Variants in AGBL4 observed in about 807,000 individuals in gnomAD.
AGBL4 encodes the protein AGBL carboxypeptidase 4, also known as cytosolic carboxypeptidase 6.
Under a neutral mutation model 66.4 loss-of-function variants are expected in AGBL4, and 58 were observed. That is an observed-to-expected ratio of 0.87 (90% CI 0.71 to 1.09). The LOEUF (loss-of-function observed/expected upper bound fraction) is 1.09. AGBL4 is among the 50% of genes least tolerant of loss of function. AGBL4 has a pLI of 0.00. For missense variants in AGBL4, 579 were observed against 631.0 expected, an observed-to-expected ratio of 0.92 and a Z score of 0.88; for synonymous variants, 234 against 222.9, an observed-to-expected ratio of 1.05 and a Z score of -0.44.
At chr1:49,998,337 G>A (rs918988059) in intron 1 of AGBL4, among the ~76,000 whole-genome samples, 1 of 152,004 alleles carries the variant, frequency 6.6e-6, no homozygotes, top group Non-Finnish European at 1.5e-5. Context: ...AAAACCTGGA[G>A]GAGATGGATA....
At chr1:49,465,730 A>G (rs902637961) in intron 3 of AGBL4, among the ~76,000 whole-genome samples, 2 of 151,862 alleles carry the variant, frequency 1.3e-5, no homozygotes, top group African/African-American at 4.8e-5. Context: ...TTGGTAATAA[A>G]TCACACATTT....
chr1:50,001,481 A>G (rs1660748482), intron 1 of AGBL4, among the ~76,000 whole-genome samples: 1 of 145,140 alleles, frequency 6.9e-6, no homozygotes, highest in Admixed American at 7.0e-5. Flanking sequence ...GTGTGTCTAT[A>G]TATACATATA....
At chr1:49,905,304 C>T (rs1001803204) in intron 1 of AGBL4, among the ~76,000 whole-genome samples, 1 of 152,142 alleles carries the variant, frequency 6.6e-6, no homozygotes, top group Non-Finnish European at 1.5e-5. Context: ...ATCATAAATA[C>T]ATTTCATCAC....
chr1:48,925,551 G>C (rs1235893131), intron 5 of AGBL4, among the ~76,000 whole-genome samples: 1 of 152,062 alleles, frequency 6.6e-6, no homozygotes, highest in Non-Finnish European at 1.5e-5. Flanking sequence ...TATCGTTAGT[G>C]TTAGTGTATT....
chr1:48,716,082 T>A (rs1647045733), intron 6 of AGBL4, among the ~76,000 whole-genome samples: 1 of 152,308 alleles, frequency 6.6e-6, no homozygotes. Flanking sequence ...ACGGGGCATA[T>A]GGAAATCTTG....
intron 9 of AGBL4, among the ~76,000 whole-genome samples, chr1:48,623,703 C>T (rs1201084810): frequency 6.6e-6 from 1 of 152,220 alleles, no homozygotes; most frequent in Non-Finnish European, 1.5e-5. Context: ...ACAAAACACC[C>T]TAAAATGTAA....
intron 4 of AGBL4, among the ~76,000 whole-genome samples, chr1:49,207,542 T>TTTCTTTC (rs1217267952): frequency 1.6e-3 from 121 of 78,022 alleles, no homozygotes; most frequent in Middle Eastern, 6.2e-3. Flanking sequence ...TTTTTCTTTC[T>TTTCTTTC]TTTCTTTCTT....
At position 49,278,544 on chromosome 1, in the gene AGBL4, T is replaced by A. The variant is rs1474119801; in HGVS notation, c.283-32680A>T. On this transcript the variant is annotated intron_variant, in intron 3 of 13. Coordinates refer to ENST00000371839, the MANE Select transcript of AGBL4 (RefSeq NM_032785.4). ...GTCAGACCAGATGCTTGAAGCTATC[T>A]GCCTGCAGGAGGTAAACCAACCATA... 2.0e-5 allele frequency among the ~76,000 whole-genome samples: 3 copies of A among 152,166 alleles called. No homozygotes were observed. The South Asian group carries it at 6.2e-4, about 31-fold the overall frequency.
intron 5 of AGBL4, among the ~76,000 whole-genome samples, chr1:49,007,816 C>A (rs1459692058): frequency 6.6e-6 from 1 of 151,798 alleles, no homozygotes; most frequent in East Asian, 1.9e-4. Context: ...ACTTTACAGA[C>A]AAGCAAATGC....
chr1:49,804,094 C>T (rs1363508345), intron 2 of AGBL4, among the ~76,000 whole-genome samples: 1 of 152,110 alleles, frequency 6.6e-6, no homozygotes, highest in Non-Finnish European at 1.5e-5. Flanking sequence ...GTGGCTGTTA[C>T]AGCTTCTCAC....
intron 2 of AGBL4, among the ~76,000 whole-genome samples, chr1:49,802,510 T>G (rs1427969562): frequency 6.6e-6 from 1 of 152,206 alleles, no homozygotes; most frequent in Non-Finnish European, 1.5e-5. Context: ...TAGTCTCTGT[T>G]AGAAATTACT....
At chr1:49,971,850 T>A (rs1235219542) in intron 1 of AGBL4, among the ~76,000 whole-genome samples, 1 of 150,368 alleles carries the variant, frequency 6.7e-6, no homozygotes, top group Admixed American at 6.6e-5. Flanking sequence ...CTTACAAGCG[T>A]TTTTGAAAAT....
chr1:49,614,674 A>G (rs974059390), intron 3 of AGBL4, among the ~76,000 whole-genome samples: 2 of 152,170 alleles, frequency 1.3e-5, no homozygotes, highest in Non-Finnish European at 2.9e-5. Flanking sequence ...ACAGTGTATA[A>G]AAAGAATTCC....
intron 1 of AGBL4, among the ~76,000 whole-genome samples, chr1:49,938,719 A>T (rs564873507): frequency 5.4e-4 from 82 of 152,358 alleles, no homozygotes; most frequent in African/African-American, 1.9e-3. Flanking sequence ...GTAATCCAGC[A>T]TATAAACAGA....
chr1:49,536,575 C>T (rs1050547100), intron 3 of AGBL4, among the ~76,000 whole-genome samples: 2 of 151,812 alleles, frequency 1.3e-5, no homozygotes, highest in Non-Finnish European at 2.9e-5. Context: ...CATACGGTAC[C>T]AACAAAAGCC....
chr1:48,530,041 C>T (rs1275400273), downstream of AGBL4, among the ~76,000 whole-genome samples: 3 of 151,762 alleles, frequency 2.0e-5, no homozygotes, highest in Non-Finnish European at 4.4e-5. Flanking sequence ...TCCCCCACTA[C>T]CTCTAAATGA....
rs573280348 is a variant in AGBL4 at position 49,174,454 on chromosome 1, G to C, written c.377+71316C>G. On this transcript the variant is annotated intron_variant, in intron 4 of 13. Transcript: ENST00000371839. ...AAAATTAAAATAAATGTCATATTTA[G>C]CAGGTAAGTTCCTTTTCCATAATTT... Among the ~76,000 whole-genome samples the C allele has an allele frequency of 2.0e-4, 30 of 152,230 alleles. No homozygotes were observed. In the South Asian group the frequency reaches 6.0e-3, roughly 31 times the overall value.
intron 3 of AGBL4, among the ~76,000 whole-genome samples, chr1:49,412,924 G>T (rs1481241284): frequency 6.6e-6 from 1 of 152,148 alleles, no homozygotes; most frequent in Non-Finnish European, 1.5e-5. Context: ...AGAAGAAGAG[G>T]AGGAGGAGGA....
chr1:48,591,252 C>T (rs563931908), intron 9 of AGBL4, among the ~76,000 whole-genome samples: 4 of 152,166 alleles, frequency 2.6e-5, no homozygotes, highest in Non-Finnish European at 5.9e-5. Context: ...TATTAGCATC[C>T]CTTTTAAGAG....
Sources: allele counts gnomAD v4.1 joint callset (sites outside exome capture counted in the v4.1 genomes callset), GRCh38; gene constraint gnomAD v4.1.1; transcripts MANE v1.5; gene names NCBI Gene and HGNC (gene_info 2026-07-23, HGNC 2026-07-21).